The following EPHX1 variants were observed in gnomAD, a reference collection of about 807,000 sequenced individuals.
EPHX1 encodes the protein epoxide hydrolase 1, also known as epoxide hydratase.
A neutral mutation model predicts 43.2 loss-of-function variants in EPHX1; 40 were observed. The ratio of observed to expected loss-of-function variants is 0.93; its 90% confidence interval spans 0.72 to 1.21. The LOEUF (loss-of-function observed/expected upper bound fraction) is 1.21. Ranked by LOEUF, EPHX1 falls within the 50% of genes most tolerant of loss-of-function variation. The pLI is 0.00. For missense variants in EPHX1, 550 were observed against 570.4 expected (o/e 0.96, Z 0.36); for synonymous variants, 221 against 226.7 (o/e 0.98, Z 0.22).
rs745675416 is a variant in EPHX1 at position 225,838,677 on chromosome 1, G to A, written c.388G>A (p.Val130Met). The change falls in exon 4 of 9, where the codon GTG becomes ATG. Residue 130 changes from valine (V) to methionine (M), a missense_variant. Coordinates refer to ENST00000272167, the MANE Select transcript of EPHX1 (RefSeq NM_001136018.4). ...AGGGCTGGACATCCACTTCATCCAC[G>A]TGAAGCCCCCCCAGCTGCCCGCAGG... ...IEGLDIHFIH[V>M]KPPQLPAGHT... 24 of 1,613,880 alleles carry A rather than the reference G, an allele frequency of 1.5e-5. No homozygotes were observed. The highest frequency in any genetic ancestry group is 2.7e-5 in the African/African-American group (2 of 74,862).
chr1:225,818,783 A>T (rs1215598987), intron 1 of EPHX1, among the ~76,000 whole-genome samples: 1 of 152,074 alleles, frequency 6.6e-6, no homozygotes, highest in Non-Finnish European at 1.5e-5. Context: ...TGGGATATAC[A>T]TGATCAGATT....
At chr1:225,839,177 TGTGACTCC>T in intron 4 of EPHX1, 32 bp from the exon 5 acceptor site, 1 of 1,613,586 alleles carries the variant, frequency 6.2e-7, no homozygotes, top group Non-Finnish European at 8.5e-7. Flanking sequence ...GCAATCTGCC[TGTGACTCC>T]GTGACTCCAT....
intron 7 of EPHX1, among the ~76,000 whole-genome samples, chr1:225,844,026 C>A (rs1382541766): frequency 6.6e-6 from 1 of 152,118 alleles, no homozygotes; most frequent in Non-Finnish European, 1.5e-5. Context: ...ATCCTGGACC[C>A]AAGCTGGCTA....
chr1:225,838,300 A>C (rs911696172), intron 3 of EPHX1, among the ~76,000 whole-genome samples: 1 of 152,206 alleles, frequency 6.6e-6, no homozygotes, highest in African/African-American at 2.4e-5. Context: ...TAAATTATTG[A>C]ACAAGTATTT....
intron 4 of EPHX1, 108 bp from the exon 5 acceptor site, chr1:225,839,109 C>A: frequency 6.4e-7 from 1 of 1,567,162 alleles, no homozygotes; most frequent in Non-Finnish European, 8.7e-7. Context: ...CTTTTCTGAC[C>A]TCCACCTGGG....
chr1:225,821,954 C>T (rs1456351484), intron 1 of EPHX1, among the ~76,000 whole-genome samples: 1 of 152,186 alleles, frequency 6.6e-6, no homozygotes, highest in Non-Finnish European at 1.5e-5. Flanking sequence ...AGTAAACTAA[C>T]AAGTACTCTA....
At chr1:225,834,097 CAAAAAAA>C (rs377164975) in intron 3 of EPHX1, among the ~76,000 whole-genome samples, 1 of 56,938 alleles carries the variant, frequency 1.8e-5, no homozygotes, top group Non-Finnish European at 3.0e-5. Flanking sequence ...GACTCTGTCT[CAAAAAAA>C]AAAAAAAGAA....
chr1:225,835,421 G>A (rs144891447), intron 3 of EPHX1, among the ~76,000 whole-genome samples: 3,278 of 128,424 alleles, frequency 0.026, 144 homozygotes, highest in African/African-American at 0.095. Flanking sequence ...ACGGAGTCTC[G>A]CTCTGTCACC....
intron 5 of EPHX1, 84 bp from the exon 6 acceptor site, chr1:225,839,745 G>A: frequency 2.1e-6 from 3 of 1,429,216 alleles, no homozygotes; most frequent in South Asian, 2.3e-5. Context: ...CCTCAGCCCT[G>A]AGGCCTGTTC....
At chr1:225,835,381 G>GC (rs200637043) in intron 3 of EPHX1, among the ~76,000 whole-genome samples, 12,301 of 126,640 alleles carry the variant, frequency 0.097, 897 homozygotes, top group South Asian at 0.19. Flanking sequence ...ACCACACTAG[G>GC]CTTTTTTTTT....
intron 8 of EPHX1, 100 bp from the exon 9 acceptor site, chr1:225,845,046 G>A (rs1668826739): frequency 7.9e-7 from 1 of 1,272,536 alleles, no homozygotes; most frequent in Non-Finnish European, 1.1e-6. Context: ...TTGTGGGTGG[G>A]CCAGCTGATC....
intron 1 of EPHX1, among the ~76,000 whole-genome samples, chr1:225,822,818 T>C (rs549288560): frequency 6.6e-6 from 1 of 152,308 alleles, no homozygotes; most frequent in South Asian, 2.1e-4. Flanking sequence ...TCCCAAATCA[T>C]GTCCTTGGTG....
intron 1 of EPHX1, among the ~76,000 whole-genome samples, chr1:225,819,587 T>C (rs140627921): frequency 6.6e-6 from 1 of 152,034 alleles, no homozygotes; most frequent in Non-Finnish European, 1.5e-5. Context: ...CTTACTGATA[T>C]CTGTGGCGGA....
At chr1:225,833,959 G>A (rs142890590) in intron 3 of EPHX1, among the ~76,000 whole-genome samples, 1,657 of 151,150 alleles carry the variant, frequency 0.011, 21 homozygotes, top group Middle Eastern at 0.034. Flanking sequence ...TTAGCCGGGC[G>A]TGGTGGCAGG....
intron 2 of EPHX1, among the ~76,000 whole-genome samples, chr1:225,830,820 C>T (rs933675504): frequency 3.3e-5 from 5 of 152,110 alleles, no homozygotes; most frequent in Admixed American, 1.3e-4. Flanking sequence ...TGTTGTATAT[C>T]AGGGGTCAGG....
intron 1 of EPHX1, among the ~76,000 whole-genome samples, chr1:225,816,387 A>G (rs918107409): frequency 3.3e-5 from 5 of 152,188 alleles, no homozygotes; most frequent in Admixed American, 2.0e-4. Flanking sequence ...ATAGAGGGCA[A>G]TGCTTTTTCT....
At chr1:225,835,791 TC>T (rs1033861527) in intron 3 of EPHX1, among the ~76,000 whole-genome samples, 54 of 151,514 alleles carry the variant, frequency 3.6e-4, no homozygotes, top group African/African-American at 1.2e-3. Flanking sequence ...CAAGCAATTC[TC>T]CCACCTTGGC....
At chr1:225,826,330 G>A (rs1364602328) in intron 1 of EPHX1, among the ~76,000 whole-genome samples, 2 of 151,084 alleles carry the variant, frequency 1.3e-5, no homozygotes, top group African/African-American at 4.9e-5. Flanking sequence ...AGGAGGTGGT[G>A]GTATGCACCT....
chr1:225,844,755 GGATGGGAA>G, intron 8 of EPHX1, 132 bp downstream of exon 8: 1 of 1,414,404 alleles, frequency 7.1e-7, no homozygotes, highest in Non-Finnish European at 9.6e-7. Context: ...AGGGGCCCTT[GGATGGGAA>G]CACTAAAGGT....
Sources: allele counts gnomAD v4.1 joint callset (sites outside exome capture counted in the v4.1 genomes callset), GRCh38; gene constraint gnomAD v4.1.1; transcripts MANE v1.5; gene names NCBI Gene and HGNC (gene_info 2026-07-23, HGNC 2026-07-21).